RASGEF1A: variants seen among roughly 807,000 people sequenced by gnomAD.
RASGEF1A encodes ras-GEF domain-containing family member 1A.
A neutral mutation model predicts 56.4 loss-of-function variants in RASGEF1A; 18 were observed. The ratio of observed to expected loss-of-function variants is 0.32; its 90% CI spans 0.22 to 0.47. The LOEUF (loss-of-function observed/expected upper bound fraction) is 0.47, where lower values mean the gene tolerates loss of function less well. RASGEF1A is among the 20% of genes least tolerant of loss of function. The pLI is 1.00. For synonymous variants in RASGEF1A, 245 were observed against 242.6 expected, an observed-to-expected ratio of 1.01 and a Z score of -0.09; for missense variants, 422 against 627.1, an observed-to-expected ratio of 0.67 and a Z score of 3.49.
intron 1 of RASGEF1A, chr10:43,208,777 C>T: frequency 1.0e-6 from 1 of 985,550 alleles, no homozygotes; most frequent in Non-Finnish European, 1.2e-6. Flanking sequence ...CCTAGCAGGG[C>T]CCACCCTGCC....
intron 1 of RASGEF1A, among the ~76,000 whole-genome samples, chr10:43,258,325 G>C (rs543510838): frequency 2.0e-5 from 3 of 152,216 alleles, no homozygotes; most frequent in Non-Finnish European, 4.4e-5. Context: ...TGGCCTCTCA[G>C]GAGGCTGAGG....
intron 4 of RASGEF1A, among the ~76,000 whole-genome samples, 196 bp downstream of exon 4, chr10:43,201,612 G>C (rs973714666): frequency 6.6e-6 from 1 of 152,210 alleles, no homozygotes; most frequent in Non-Finnish European, 1.5e-5. Context: ...AGTATCATGG[G>C]TGACCCTGGC....
At chr10:43,219,122 G>A (rs548698258) in intron 1 of RASGEF1A, among the ~76,000 whole-genome samples, 6 of 152,086 alleles carry the variant, frequency 3.9e-5, no homozygotes, top group Non-Finnish European at 7.4e-5. Context: ...GCCCTTTCCC[G>A]GCAGGCGCTG....
intron 1 of RASGEF1A, among the ~76,000 whole-genome samples, chr10:43,257,630 C>A (rs1836446210): frequency 6.6e-6 from 1 of 152,242 alleles, no homozygotes; most frequent in Non-Finnish European, 1.5e-5. Flanking sequence ...AGTGACTGCA[C>A]ACAGCGATGG....
chr10:43,212,949 A>G (rs1840088642), intron 1 of RASGEF1A, among the ~76,000 whole-genome samples: 1 of 152,206 alleles, frequency 6.6e-6, no homozygotes, highest in South Asian at 2.1e-4. Context: ...TGCCAATCAC[A>G]CAGCACTGAG....
At chr10:43,197,175 G>A in intron 10 of RASGEF1A, 76 bp from the exon 11 acceptor site, 1 of 1,545,882 alleles carries the variant, frequency 6.5e-7, no homozygotes, top group Non-Finnish European at 8.7e-7. Context: ...GGGGACGTAG[G>A]TTTTGGCCTC....
rs200571887 is a variant in RASGEF1A, at chr10:43,201,794, C to T, written c.459+14G>A. 3.8e-6 allele frequency: 6 copies of T among 1,569,110 alleles called. No homozygotes were observed. The East Asian group carries it at 1.4e-4, about 36-fold the overall frequency. On this transcript the variant is annotated intron_variant, in intron 4 of 12. Transcript: ENST00000395810. ...ACACCCAAAGACCCTGGCCAGAGCC[C>T]AGGGAGCACTCACCTCATCACACTG...
chr10:43,242,487 A>C (rs1393056655), intron 1 of RASGEF1A, among the ~76,000 whole-genome samples: 6 of 151,828 alleles, frequency 4.0e-5, no homozygotes, highest in Non-Finnish European at 8.8e-5. Context: ...GTTAAAAAAA[A>C]ATCGCTCCCT....
intron 1 of RASGEF1A, among the ~76,000 whole-genome samples, chr10:43,235,170 G>T (rs778608422): frequency 2.6e-5 from 4 of 152,184 alleles, no homozygotes; most frequent in Non-Finnish European, 4.4e-5. Flanking sequence ...GGCATAAAGC[G>T]TGAAGGAGGG....
At chr10:43,246,275 G>A (rs767652180) in intron 1 of RASGEF1A, among the ~76,000 whole-genome samples, 2 of 152,162 alleles carry the variant, frequency 1.3e-5, no homozygotes, top group South Asian at 2.1e-4. Flanking sequence ...ACTTAAATAA[G>A]TGGAAGGACA....
intron 1 of RASGEF1A, among the ~76,000 whole-genome samples, chr10:43,265,759 C>T (rs1588956137): frequency 2.0e-5 from 3 of 152,362 alleles, no homozygotes; most frequent in South Asian, 2.1e-4. Context: ...CCCCCTAGAG[C>T]CGCTTAGAGT....
intron 1 of RASGEF1A, among the ~76,000 whole-genome samples, chr10:43,234,355 C>A (rs1374572496): frequency 6.6e-6 from 1 of 152,170 alleles, no homozygotes; most frequent in East Asian, 1.9e-4. Context: ...CTCATCCCCC[C>A]AAGAACAAAG....
At chr10:43,243,296 G>T (rs543020172) in intron 1 of RASGEF1A, among the ~76,000 whole-genome samples, 134 of 148,960 alleles carry the variant, frequency 9.0e-4, no homozygotes, top group African/African-American at 3.1e-3. Flanking sequence ...CCCTCTTCCT[G>T]GCCGCCCCGT....
chr10:43,241,825 A>G (rs1044004264), intron 1 of RASGEF1A, among the ~76,000 whole-genome samples: 6 of 152,042 alleles, frequency 3.9e-5, no homozygotes, highest in African/African-American at 1.4e-4. Context: ...CTTTAGAGAG[A>G]AGAACACAAA....
intron 1 of RASGEF1A, among the ~76,000 whole-genome samples, chr10:43,238,188 T>C (rs916853439): frequency 1.3e-5 from 2 of 151,174 alleles, no homozygotes; most frequent in East Asian, 3.9e-4. Flanking sequence ...GTTAGCCATG[T>C]CGACTTAAAG....
chr10:43,245,636 A>G (rs1326090750), intron 1 of RASGEF1A, among the ~76,000 whole-genome samples: 2 of 152,210 alleles, frequency 1.3e-5, no homozygotes, highest in African/African-American at 2.4e-5. Context: ...ACAAAGATCA[A>G]TGTAATATAC....
rs1317764922 is a variant in RASGEF1A at position 43,194,699 on chromosome 10, T to C, written c.*1545A>G. On this transcript the variant is annotated 3_prime_UTR_variant, in exon 13 of 13. Coordinates refer to ENST00000395810, the MANE Select transcript of RASGEF1A (RefSeq NM_145313.4). ...AATAAAGTAGCAGACAGACACTGTT[T>C]CAAGTAGGTACTAGAACTGATCACC... is the stretch of plus-strand genomic sequence containing the variant. The C allele has an allele frequency of 6.6e-6, 1 of 152,318 alleles. No homozygotes were observed. Among genetic ancestry groups the C allele is most frequent in the Non-Finnish European group, 1.5e-5 (1 of 68,048 alleles). 9.4% of individuals were successfully genotyped at this position (152,318 alleles called of 1,614,324 possible).
chr10:43,229,229 G>A (rs1256941866), intron 1 of RASGEF1A, among the ~76,000 whole-genome samples: 2 of 152,158 alleles, frequency 1.3e-5, no homozygotes, highest in African/African-American at 4.8e-5. Context: ...GAATAAGCGC[G>A]CCCGCGCTTC....
intron 1 of RASGEF1A, among the ~76,000 whole-genome samples, chr10:43,244,857 T>TA (rs1166107823): frequency 6.6e-6 from 1 of 151,900 alleles, no homozygotes; most frequent in Non-Finnish European, 1.5e-5. Flanking sequence ...ATGTCCACAT[T>TA]AAAAAACAGA....
Sources: gnomAD v4.1 joint callset for allele counts (sites outside exome capture counted in the v4.1 genomes callset) on GRCh38, gnomAD v4.1.1 for gene constraint, MANE v1.5 for transcripts, NCBI Gene and HGNC (gene_info 2026-07-23, HGNC 2026-07-21) for gene names.